The following TP63 variants were observed in gnomAD, a reference collection of about 807,000 sequenced individuals.
TP63 encodes tumor protein p63, also known as tumor protein 63.
A neutral mutation model predicts 82.8 loss-of-function variants in TP63; 17 were observed. The ratio of observed to expected loss-of-function variants is 0.21; its 90% CI spans 0.14 to 0.31. The LOEUF is 0.31. Ranked by LOEUF, TP63 falls within the 10% of genes least tolerant of loss-of-function variation. The probability of loss-of-function intolerance (pLI) is 1.00; values close to 1 mark genes in which losing one functional copy is unlikely to be tolerated. For missense variants in TP63, 648 were observed against 895.3 expected (o/e 0.72, Z 3.52); for synonymous variants, 330 against 321.7 (o/e 1.03, Z -0.28).
intron 11 of TP63, among the ~76,000 whole-genome samples, chr3:189,887,721 A>G (rs1437590001): frequency 6.6e-6 from 1 of 152,188 alleles, no homozygotes; most frequent in African/African-American, 2.4e-5. Flanking sequence ...AGTACCCTCA[A>G]GCTTGTCTTT....
At chr3:189,716,455 T>C (rs1038868658) in intron 1 of TP63, among the ~76,000 whole-genome samples, 3 of 152,124 alleles carry the variant, frequency 2.0e-5, no homozygotes, top group African/African-American at 7.2e-5. Context: ...GCTACTTCCA[T>C]GATCCCTTCC....
chr3:189,668,710 G>T (rs558062105), intron 1 of TP63, among the ~76,000 whole-genome samples: 13 of 152,122 alleles, frequency 8.5e-5, no homozygotes, highest in African/African-American at 2.9e-4. Context: ...GGTGAAAAAA[G>T]TATTTAAAGA....
intron 1 of TP63, among the ~76,000 whole-genome samples, chr3:189,638,403 G>A (rs1255373193): frequency 6.6e-6 from 1 of 152,060 alleles, no homozygotes; most frequent in Non-Finnish European, 1.5e-5. Flanking sequence ...GTACAAGGTG[G>A]GGCTGAAAAA....
chr3:189,685,465 C>A (rs1213267285), intron 1 of TP63, among the ~76,000 whole-genome samples: 4 of 152,118 alleles, frequency 2.6e-5, no homozygotes, highest in Non-Finnish European at 4.4e-5. Context: ...TTCTTTTGTT[C>A]TCTAAGGCCC....
At chr3:189,720,565 T>C (rs557203815) in intron 1 of TP63, among the ~76,000 whole-genome samples, 1 of 151,708 alleles carries the variant, frequency 6.6e-6, no homozygotes, top group South Asian at 2.1e-4. Context: ...AGAAACCCCG[T>C]CTCTACGAAA....
chr3:189,835,964 A>ATG (rs1713094187), intron 4 of TP63, among the ~76,000 whole-genome samples: 4 of 141,518 alleles, frequency 2.8e-5, no homozygotes, highest in Non-Finnish European at 4.7e-5. Context: ...TAATAATAAT[A>ATG]ATAATGTAAA....
At chr3:189,598,223 A>T in the TP63 span, among the ~76,000 whole-genome samples, 1 of 150,618 alleles carries the variant, frequency 6.6e-6, no homozygotes, top group Non-Finnish European at 1.5e-5. Flanking sequence ...TCTAGCATGC[A>T]TATAATTGGA....
the TP63 span, among the ~76,000 whole-genome samples, chr3:189,605,385 G>C: frequency 6.6e-6 from 1 of 152,170 alleles, no homozygotes; most frequent in Non-Finnish European, 1.5e-5. Flanking sequence ...GAATATCTCA[G>C]TTATTCCCCA....
rs140463473 is a variant in TP63, at chr3:189,771,014, A to G, written c.324+32240A>G. Among the ~76,000 whole-genome samples the G allele has an allele frequency of 4.9e-3, 751 of 152,152 alleles. 2 individuals are homozygous for G. Among genetic ancestry groups the G allele is most frequent in the Middle Eastern group, 0.014 (4 of 294 alleles). On this transcript the variant is annotated intron_variant, in intron 3 of 13. Coordinates refer to ENST00000264731, the MANE Select transcript of TP63 (RefSeq NM_003722.5). ...TCACAACAACAGGCAATGTATATCT[A>G]CTACCATTCTAAGTGCATTATCTCT... is the stretch of plus-strand genomic sequence containing the variant.
intron 11 of TP63, among the ~76,000 whole-genome samples, chr3:189,889,021 C>A (rs1720743661): frequency 6.6e-6 from 1 of 152,132 alleles, no homozygotes. Flanking sequence ...AGAAATATCA[C>A]CCTCGAAGGC....
rs111555935 is a variant in TP63 at position 189,681,516 on chromosome 3, A to G, written c.62+49939A>G. ...GCATGATTTCTTTCTCATGAACTTA[A>G]ATCCAACTAGCTAAAAGTGGCAATC... On this transcript the variant is annotated intron_variant, in intron 1 of 13. Transcript: ENST00000264731. Among the ~76,000 whole-genome samples, 1,435 of 152,270 alleles carry G rather than the reference A, an allele frequency of 9.4e-3. 24 individuals are homozygous for G. The highest frequency in any genetic ancestry group is 0.032 in the African/African-American group (1,339 of 41,542).
At chr3:189,774,217 C>G (rs1016825996) in intron 3 of TP63, among the ~76,000 whole-genome samples, 2 of 152,058 alleles carry the variant, frequency 1.3e-5, no homozygotes, top group Admixed American at 6.5e-5. Context: ...CCACCACGCC[C>G]GGCCGTATTC....
chr3:189,678,333 A>G (rs1715623900), intron 1 of TP63, among the ~76,000 whole-genome samples: 1 of 152,104 alleles, frequency 6.6e-6, no homozygotes, highest in African/African-American at 2.4e-5. Flanking sequence ...TCTCAGCACC[A>G]TTTATTGAAT....
At chr3:189,601,951 C>T in the TP63 span, among the ~76,000 whole-genome samples, 1 of 152,128 alleles carries the variant, frequency 6.6e-6, no homozygotes, top group Non-Finnish European at 1.5e-5. Context: ...CACACTTCTG[C>T]TATCTTGATG....
At chr3:189,738,218 T>G (rs76980033) in intron 2 of TP63, among the ~76,000 whole-genome samples, 7,716 of 152,302 alleles carry the variant, frequency 0.051, 361 homozygotes, top group East Asian at 0.24. Flanking sequence ...AAACACTAAA[T>G]TTTGTTGTTT....
intron 4 of TP63, among the ~76,000 whole-genome samples, chr3:189,850,979 C>A (rs1715553950): frequency 6.6e-6 from 1 of 152,192 alleles, no homozygotes; most frequent in Non-Finnish European, 1.5e-5. Flanking sequence ...GGTTGAGATA[C>A]AGTTTTCACA....
At chr3:189,847,341 G>C (rs568710740) in intron 4 of TP63, among the ~76,000 whole-genome samples, 5 of 152,330 alleles carry the variant, frequency 3.3e-5, no homozygotes, top group African/African-American at 1.2e-4. Context: ...CTGGGTGACA[G>C]AGCGAAGCTC....
At position 189,761,881 on chromosome 3, in the gene TP63, A is replaced by G. The variant is rs557509258; in HGVS notation, c.324+23107A>G. ...ACATCTTATGTGGATGGCAGCAGGC[A>G]GAGAGAGCTTGTGCAGAGAAACCCC... On this transcript the variant is annotated intron_variant, in intron 3 of 13. Transcript: ENST00000264731. Among the ~76,000 whole-genome samples the G allele has an allele frequency of 5.0e-3, 763 of 152,284 alleles. 8 individuals are homozygous for G. Among genetic ancestry groups the G allele is most frequent in the African/African-American group, 0.018 (739 of 41,552 alleles).
chr3:189,697,871 G>A (rs975485946), intron 1 of TP63, among the ~76,000 whole-genome samples: 2 of 144,474 alleles, frequency 1.4e-5, no homozygotes, highest in Non-Finnish European at 1.5e-5. Context: ...AGCAATTTCT[G>A]TATATTACCC....
Sources: allele counts gnomAD v4.1 joint callset (sites outside exome capture counted in the v4.1 genomes callset), GRCh38; gene constraint gnomAD v4.1.1; transcripts MANE v1.5; gene names NCBI Gene and HGNC (gene_info 2026-07-23, HGNC 2026-07-21).